Variants in RAB38 observed in about 807,000 individuals in gnomAD.
RAB38 encodes the protein ras-related protein Rab-38.
Under a neutral mutation model 18.4 loss-of-function variants are expected in RAB38, and 15 were observed. That is an observed-to-expected ratio of 0.82 (90% CI 0.55 to 1.26). RAB38 has a LOEUF of 1.26. Ranked by LOEUF, RAB38 falls within the 50% of genes most tolerant of loss-of-function variation. RAB38 has a pLI of 0.00. For missense variants in RAB38, 294 were observed against 267.4 expected (o/e 1.10, Z -0.69); for synonymous variants, 101 against 104.4 (o/e 0.97, Z 0.20).
chr11:88,061,494 G>C, the RAB38 span, among the ~76,000 whole-genome samples: 24 of 152,260 alleles, frequency 1.6e-4, no homozygotes, highest in South Asian at 5.0e-3. Flanking sequence ...ACGTCACTTT[G>C]TTCAATGATC....
chr11:88,068,725 T>C, the RAB38 span, among the ~76,000 whole-genome samples: 103 of 152,382 alleles, frequency 6.8e-4, no homozygotes, highest in African/African-American at 2.4e-3. Context: ...AAACTATTGC[T>C]GTTTGTGCAA....
At chr11:87,915,566 G>A in the RAB38 span, among the ~76,000 whole-genome samples, 1 of 152,120 alleles carries the variant, frequency 6.6e-6, no homozygotes, top group Admixed American at 6.6e-5. Flanking sequence ...AAAAAGGGGA[G>A]GGATCCTCAG....
the RAB38 span, among the ~76,000 whole-genome samples, chr11:87,912,338 C>T: frequency 6.6e-6 from 1 of 151,832 alleles, no homozygotes; most frequent in Admixed American, 6.6e-5. Flanking sequence ...CTGGAGTTTT[C>T]CTTGTGTGAA....
At chr11:88,097,615 C>T in the RAB38 span, among the ~76,000 whole-genome samples, 4 of 151,884 alleles carry the variant, frequency 2.6e-5, no homozygotes, top group South Asian at 8.3e-4. Flanking sequence ...GTTGAGGACA[C>T]CAGGACCAAA....
At chr11:88,124,695 G>A (rs1054584179) in intron 2 of RAB38, among the ~76,000 whole-genome samples, 7 of 152,044 alleles carry the variant, frequency 4.6e-5, no homozygotes, top group African/African-American at 1.4e-4. Flanking sequence ...GCAGCACTTA[G>A]AATATGTTAT....
chr11:87,977,757 ATATT>A, the RAB38 span, among the ~76,000 whole-genome samples: 2 of 60,870 alleles, frequency 3.3e-5, no homozygotes, highest in African/African-American at 1.1e-4. Flanking sequence ...TAATATATAT[ATATT>A]ATATTATAGT....
chr11:88,109,007 C>T (rs938092598), downstream of RAB38, among the ~76,000 whole-genome samples: 2 of 152,146 alleles, frequency 1.3e-5, no homozygotes, highest in Non-Finnish European at 2.9e-5. Flanking sequence ...GGGAGATGCG[C>T]TGTTAGTCTG....
chr11:88,110,227 T>C (rs1942455459), downstream of RAB38, among the ~76,000 whole-genome samples: 1 of 152,074 alleles, frequency 6.6e-6, no homozygotes, highest in Non-Finnish European at 1.5e-5. Context: ...GGGATATGGA[T>C]GAAGCTGGAA....
At chr11:87,975,526 CG>C in the RAB38 span, among the ~76,000 whole-genome samples, 1 of 151,734 alleles carries the variant, frequency 6.6e-6, no homozygotes, top group African/African-American at 2.4e-5. Flanking sequence ...GGTAAATATA[CG>C]GGTAATTATG....
chr11:88,052,410 A>T, the RAB38 span, among the ~76,000 whole-genome samples: 4 of 152,154 alleles, frequency 2.6e-5, no homozygotes. Context: ...AACCTTCCAA[A>T]TATTTTGGTA....
the RAB38 span, among the ~76,000 whole-genome samples, chr11:88,045,268 G>T: frequency 6.6e-6 from 1 of 152,092 alleles, no homozygotes; most frequent in East Asian, 1.9e-4. Context: ...CCCACAACAG[G>T]ACTTAATTAA....
the RAB38 span, among the ~76,000 whole-genome samples, chr11:87,904,746 G>GT: frequency 2.0e-5 from 3 of 151,442 alleles, no homozygotes; most frequent in East Asian, 3.9e-4. Flanking sequence ...AGCATCTGTT[G>GT]TTTTTTTGAC....
At chr11:88,096,989 T>G in the RAB38 span, among the ~76,000 whole-genome samples, 2 of 151,842 alleles carry the variant, frequency 1.3e-5, no homozygotes, top group Non-Finnish European at 2.9e-5. Context: ...TGATGGACAC[T>G]TCTACCTGTG....
At chr11:88,034,018 C>T in the RAB38 span, among the ~76,000 whole-genome samples, 2 of 152,142 alleles carry the variant, frequency 1.3e-5, no homozygotes, top group African/African-American at 4.8e-5. Context: ...TGAGCCACCG[C>T]GCCCTGCAGT....
the RAB38 span, among the ~76,000 whole-genome samples, chr11:87,977,460 T>C: frequency 4.5e-5 from 2 of 44,810 alleles, no homozygotes; most frequent in Non-Finnish European, 8.0e-5. Flanking sequence ...TTACATAATA[T>C]AATTATATAT....
At chr11:87,868,878 C>T in the RAB38 span, among the ~76,000 whole-genome samples, 2 of 151,588 alleles carry the variant, frequency 1.3e-5, no homozygotes, top group East Asian at 3.9e-4. Flanking sequence ...TTCATTCCTA[C>T]CTTCTTCAGG....
chr11:87,844,351 A>G, the RAB38 span, among the ~76,000 whole-genome samples: 1 of 152,186 alleles, frequency 6.6e-6, no homozygotes, highest in African/African-American at 2.4e-5. Context: ...TCTTCTTCGT[A>G]TATATTGAAA....
chr11:88,166,891 A>T (rs1943251947), intron 1 of RAB38: 1 of 152,142 alleles, frequency 6.6e-6, no homozygotes. Context: ...TTTATTGAAG[A>T]AATGTTTAGA....
At chr11:87,816,514 G>A in the RAB38 span, 1 of 151,980 alleles carries the variant, frequency 6.6e-6, no homozygotes, top group Admixed American at 6.6e-5. Context: ...TAATAGAGCT[G>A]GTGTTAATTT....
Sources: gnomAD v4.1 joint callset for allele counts (sites outside exome capture counted in the v4.1 genomes callset) on GRCh38, gnomAD v4.1.1 for gene constraint, MANE v1.5 for transcripts, NCBI Gene and HGNC (gene_info 2026-07-23, HGNC 2026-07-21) for gene names.